Variants in ANKRD12 observed in about 807,000 individuals in gnomAD.
ANKRD12 encodes the protein ankyrin repeat domain-containing protein 12.
A neutral mutation model predicts 183.4 loss-of-function variants in ANKRD12; 85 were observed. The ratio of observed to expected loss-of-function variants is 0.46; its 90% CI spans 0.39 to 0.56. The LOEUF is 0.56. ANKRD12 is among the 20% of genes least tolerant of loss of function. The probability of loss-of-function intolerance (pLI) is 0.00; values close to 1 mark genes in which losing one functional copy is unlikely to be tolerated. For missense variants in ANKRD12, 2,405 were observed against 2,357.1 expected (o/e 1.02, Z -0.42); for synonymous variants, 914 against 800.2 (o/e 1.14, Z -2.40).
rs1045543638 is a variant in ANKRD12, at chr18:9,270,995, C to T, written c.5764-4529C>T. Among the ~76,000 whole-genome samples the T allele has an allele frequency of 1.2e-4, 19 of 152,224 alleles. 1 individual carries two copies. Among genetic ancestry groups the T allele is most frequent in the Middle Eastern group, 3.4e-3 (1 of 294 alleles). On this transcript the variant is annotated intron_variant, in intron 10 of 12. Coordinates refer to ENST00000262126, the MANE Select transcript of ANKRD12 (RefSeq NM_015208.5). ...GCCAGCTATGTCATACAAGTATCTC[C>T]GGCCAGCTGTGTCATAGAAGTATCT...
At chr18:9,197,285 A>AT (rs1333410767) in intron 3 of ANKRD12, among the ~76,000 whole-genome samples, 1 of 152,100 alleles carries the variant, frequency 6.6e-6, no homozygotes, top group Non-Finnish European at 1.5e-5. Context: ...TCCCCCTTAG[A>AT]TTTTTTCTAC....
intron 1 of ANKRD12, among the ~76,000 whole-genome samples, chr18:9,144,896 ACATT>A (rs2078443109): frequency 6.6e-6 from 1 of 151,992 alleles, no homozygotes; most frequent in African/African-American, 2.4e-5. Context: ...TGTAATACAT[ACATT>A]ATGTAATAAA....
At chr18:9,149,769 A>ATGAT (rs1555704659) in intron 1 of ANKRD12, among the ~76,000 whole-genome samples, 15 of 76,926 alleles carry the variant, frequency 1.9e-4, no homozygotes, top group Middle Eastern at 7.8e-3. Context: ...ACTATTTGTA[A>ATGAT]TGATTTATTT....
chr18:9,280,188 C>T (rs2040042430), intron 12 of ANKRD12, among the ~76,000 whole-genome samples: 1 of 152,176 alleles, frequency 6.6e-6, no homozygotes, highest in Admixed American at 6.5e-5. Flanking sequence ...GAAACTTTCA[C>T]CTCAGATCAT....
intron 7 of ANKRD12, among the ~76,000 whole-genome samples, chr18:9,221,206 A>C (rs1258715209): frequency 6.6e-6 from 1 of 152,228 alleles, no homozygotes; most frequent in Non-Finnish European, 1.5e-5. Context: ...AATAACTAAC[A>C]GAGCAGAACC....
chr18:9,259,081 C>G (rs2038809362), intron 9 of ANKRD12, 150 bp downstream of exon 9: 2 of 971,808 alleles, frequency 2.1e-6, no homozygotes, highest in Non-Finnish European at 2.9e-6. Flanking sequence ...TAGTAACGTT[C>G]TTGTTTCTTT....
chr18:9,240,321 C>G lies in ANKRD12; in HGVS notation c.944-13890C>G, dbSNP rs145014175. Among the ~76,000 whole-genome samples, 6 of 152,174 alleles carry G rather than the reference C, an allele frequency of 3.9e-5. No individual in the cohort carries two copies. In the East Asian group the frequency reaches 9.6e-4, roughly 24 times the overall value. ...TAGTCTTTTTTCCCCTAACTTCTGC[C>G]TTTTTCCATTAGTCTAAGTCCATGT... is the stretch of plus-strand genomic sequence containing the variant. On this transcript the variant is annotated intron_variant, in intron 8 of 12. Transcript: ENST00000262126.
intron 1 of ANKRD12, among the ~76,000 whole-genome samples, chr18:9,166,173 A>G (rs573459898): frequency 4.2e-4 from 64 of 152,270 alleles, no homozygotes; most frequent in African/African-American, 1.3e-3. Context: ...TAGTGCCGCA[A>G]TAAACATACG....
At chr18:9,169,157 G>T (rs1020374257) in intron 1 of ANKRD12, among the ~76,000 whole-genome samples, 4 of 151,964 alleles carry the variant, frequency 2.6e-5, no homozygotes, top group Non-Finnish European at 5.9e-5. Context: ...GTCAATTTTG[G>T]AGTAGGTGTG....
chr18:9,238,892 C>T (rs1188352195), intron 8 of ANKRD12, among the ~76,000 whole-genome samples: 4 of 152,152 alleles, frequency 2.6e-5, no homozygotes, highest in Admixed American at 1.3e-4. Flanking sequence ...GAGGCCGAGA[C>T]GGGTGAATCA....
At chr18:9,191,844 C>A (rs553535012) in intron 2 of ANKRD12, among the ~76,000 whole-genome samples, 14 of 151,950 alleles carry the variant, frequency 9.2e-5, no homozygotes, top group Admixed American at 5.2e-4. Context: ...GGCCATCTGT[C>A]CTAATCACCC....
At chr18:9,270,236 C>A (rs1296855539) in intron 10 of ANKRD12, among the ~76,000 whole-genome samples, 1 of 152,112 alleles carries the variant, frequency 6.6e-6, no homozygotes, top group South Asian at 2.1e-4. Context: ...CTAGAAATAC[C>A]ATTTGACCCA....
intron 2 of ANKRD12, among the ~76,000 whole-genome samples, chr18:9,187,563 T>C (rs2034172871): frequency 6.6e-6 from 1 of 152,218 alleles, no homozygotes; most frequent in Admixed American, 6.5e-5. Context: ...GAGCATAACT[T>C]AAGTAATTGT....
At chr18:9,265,791 GAGA>G (rs1490875880) in intron 10 of ANKRD12, among the ~76,000 whole-genome samples, 3 of 152,154 alleles carry the variant, frequency 2.0e-5, no homozygotes, top group Non-Finnish European at 4.4e-5. Flanking sequence ...TACGAGTTAA[GAGA>G]AGAAGGCTTC....
At chr18:9,245,351 TGAGGTGG>T (rs2037899170) in intron 8 of ANKRD12, among the ~76,000 whole-genome samples, 2 of 151,562 alleles carry the variant, frequency 1.3e-5, no homozygotes, top group African/African-American at 2.4e-5. Context: ...CTTAGGGAGC[TGAGGTGG>T]GAGAATCACT....
chr18:9,146,691 C>T (rs1421374332), intron 1 of ANKRD12, among the ~76,000 whole-genome samples: 1 of 152,166 alleles, frequency 6.6e-6, no homozygotes, highest in African/African-American at 2.4e-5. Context: ...CATCAACATG[C>T]TTTGGCAGGG....
intron 8 of ANKRD12, among the ~76,000 whole-genome samples, chr18:9,225,788 A>T (rs989784339): frequency 2.6e-5 from 4 of 152,190 alleles, no homozygotes; most frequent in South Asian, 2.1e-4. Flanking sequence ...GTACTTTTTT[A>T]AAAATCCCCA....
chr18:9,239,098 C>T (rs1334761927), intron 8 of ANKRD12, among the ~76,000 whole-genome samples: 2 of 152,138 alleles, frequency 1.3e-5, no homozygotes, highest in Non-Finnish European at 2.9e-5. Context: ...GTACTCCAAC[C>T]TGGACAACAG....
At chr18:9,278,666 G>A (rs775082818) in intron 11 of ANKRD12, among the ~76,000 whole-genome samples, 2 of 152,078 alleles carry the variant, frequency 1.3e-5, no homozygotes, top group African/African-American at 2.4e-5. Flanking sequence ...GTGTGGTGGC[G>A]GGTGCCTGTA....
Sources: gnomAD v4.1 joint callset for allele counts (sites outside exome capture counted in the v4.1 genomes callset) on GRCh38, gnomAD v4.1.1 for gene constraint, MANE v1.5 for transcripts, NCBI Gene and HGNC (gene_info 2026-07-23, HGNC 2026-07-21) for gene names.